TNFSF4: variants seen among roughly 807,000 people sequenced by gnomAD.
TNFSF4 encodes tumor necrosis factor ligand superfamily member 4.
TNFSF4 carries 4 observed loss-of-function variants against 7.3 expected under a neutral mutation model. The ratio of observed to expected loss-of-function variants is 0.55; its 90% CI spans 0.27 to 1.25. The LOEUF is 1.25. TNFSF4 is among the 50% of genes most tolerant of loss of function. The pLI is 0.12. For synonymous variants in TNFSF4, 76 were observed against 83.7 expected (o/e 0.91, Z 0.50); for missense variants, 181 against 208.8 (o/e 0.87, Z 0.82).
chr1:173,284,187 G>A, the TNFSF4 span, among the ~76,000 whole-genome samples: 2 of 152,142 alleles, frequency 1.3e-5, no homozygotes, highest in African/African-American at 2.4e-5. Flanking sequence ...GTCCCAGAAG[G>A]TAAGTTACTC....
At chr1:173,209,447 AT>A (rs1344326573), upstream of TNFSF4, among the ~76,000 whole-genome samples, 1 of 152,186 alleles carries the variant, frequency 6.6e-6, no homozygotes, top group East Asian at 1.9e-4. Flanking sequence ...ATAAAGCTTA[AT>A]TGTTTTTAAA....
In TNFSF4 at chr1:173,193,768, C is replaced by CAA. The variant is rs34461114; in HGVS notation, c.154-5201_154-5200dup. Reference sequence around the variant, plus strand: ...GGTTTCAGGGCTCCCATAAGTGAAGCAAAAAAAAAAAAAAAAAGGAACAAT... The same window carrying CAA: ...GGTTTCAGGGCTCCCATAAGTGAAGCAAAAAAAAAAAAAAAAAAAGGAACAAT... On this transcript the variant is annotated intron_variant, in intron 1 of 2. Coordinates refer to ENST00000281834, the MANE Select transcript of TNFSF4 (RefSeq NM_003326.5). Among the ~76,000 whole-genome samples, 499 of 101,832 alleles carry CAA rather than the reference C, an allele frequency of 4.9e-3. 5 individuals are homozygous for CAA. Among genetic ancestry groups the CAA allele is most frequent in the African/African-American group, 0.012 (385 of 31,444 alleles). The allele number at this position is 101,832 out of a possible 152,430, so 66.8% of individuals were successfully genotyped here. A position where few individuals can be genotyped will look rare whatever the true frequency, so the allele number is the denominator to read the frequency against.
chr1:173,191,586 T>A (rs768971100), intron 1 of TNFSF4, among the ~76,000 whole-genome samples: 6 of 152,160 alleles, frequency 3.9e-5, no homozygotes, highest in Non-Finnish European at 8.8e-5. Context: ...GCCACATATA[T>A]CCTTTCTGTG....
the TNFSF4 span, among the ~76,000 whole-genome samples, chr1:173,272,717 C>T: frequency 3.5e-4 from 53 of 152,240 alleles, no homozygotes; most frequent in East Asian, 7.9e-3. Context: ...TGAGTGTTCC[C>T]CAAAAATGTT....
At chr1:173,239,715 G>A in the TNFSF4 span, among the ~76,000 whole-genome samples, 1 of 152,138 alleles carries the variant, frequency 6.6e-6, no homozygotes, top group Non-Finnish European at 1.5e-5. Flanking sequence ...ACTGGGAGGA[G>A]TCCAAAGTGG....
the TNFSF4 span, among the ~76,000 whole-genome samples, chr1:173,249,465 T>C: frequency 2.6e-5 from 4 of 152,206 alleles, no homozygotes; most frequent in African/African-American, 9.6e-5. Context: ...TTAGTGTCTC[T>C]TAGAAAGCTA....
chr1:173,364,125 G>C, the TNFSF4 span, among the ~76,000 whole-genome samples: 1 of 151,444 alleles, frequency 6.6e-6, no homozygotes, highest in Admixed American at 6.6e-5. Flanking sequence ...GTTTAGCATT[G>C]TTTATAATAG....
At chr1:173,347,754 C>T in the TNFSF4 span, among the ~76,000 whole-genome samples, 2 of 152,224 alleles carry the variant, frequency 1.3e-5, no homozygotes, top group Non-Finnish European at 2.9e-5. Flanking sequence ...CAATGTAGGT[C>T]TAGCCCACAA....
chr1:173,320,330 T>C, the TNFSF4 span, among the ~76,000 whole-genome samples: 1 of 152,112 alleles, frequency 6.6e-6, no homozygotes, highest in African/African-American at 2.4e-5. Flanking sequence ...ATGAAACATA[T>C]CTCAAAATAA....
chr1:173,190,754 G>T (rs535610338), intron 1 of TNFSF4, among the ~76,000 whole-genome samples: 34 of 152,224 alleles, frequency 2.2e-4, no homozygotes, highest in Non-Finnish European at 2.4e-4. Flanking sequence ...AGCATGAATT[G>T]CCACGTGCTA....
chr1:173,322,520 G>A, the TNFSF4 span, among the ~76,000 whole-genome samples: 1 of 152,218 alleles, frequency 6.6e-6, no homozygotes, highest in Non-Finnish European at 1.5e-5. Flanking sequence ...ATCTCACTGG[G>A]GAGTGCTTGA....
chr1:173,243,387 A>G, the TNFSF4 span, among the ~76,000 whole-genome samples: 1 of 152,126 alleles, frequency 6.6e-6, no homozygotes, highest in Non-Finnish European at 1.5e-5. Context: ...AGTCCTCTTA[A>G]GAGCTTCAGC....
At chr1:173,279,760 C>T in the TNFSF4 span, among the ~76,000 whole-genome samples, 1 of 152,176 alleles carries the variant, frequency 6.6e-6, no homozygotes, top group East Asian at 1.9e-4. Flanking sequence ...CCCATTCCTT[C>T]TCTCATTTCC....
the TNFSF4 span, chr1:173,362,956 C>T: frequency 2.6e-6 from 1 of 387,516 alleles, no homozygotes; most frequent in Non-Finnish European, 5.1e-6. Flanking sequence ...CTTAGTTTTT[C>T]TTGTGGTTTT....
the TNFSF4 span, among the ~76,000 whole-genome samples, chr1:173,426,383 G>A: frequency 6.6e-6 from 1 of 152,154 alleles, no homozygotes; most frequent in Non-Finnish European, 1.5e-5. Flanking sequence ...TTCCATGGCT[G>A]CTTCTTTAGT....
chr1:173,332,583 C>T, the TNFSF4 span, among the ~76,000 whole-genome samples: 45 of 151,920 alleles, frequency 3.0e-4, no homozygotes, highest in East Asian at 2.7e-3. Flanking sequence ...GGGCCAGGTG[C>T]GGTGGCTCAT....
the TNFSF4 span, among the ~76,000 whole-genome samples, chr1:173,230,737 T>C: frequency 6.6e-6 from 1 of 152,002 alleles, no homozygotes; most frequent in Non-Finnish European, 1.5e-5. Flanking sequence ...TAAAAAATGA[T>C]AAAGGGGACA....
the TNFSF4 span, among the ~76,000 whole-genome samples, chr1:173,250,852 T>C: frequency 6.6e-6 from 1 of 152,140 alleles, no homozygotes; most frequent in African/African-American, 2.4e-5. Flanking sequence ...AGATCAAATG[T>C]CTATTGAGAG....
At chr1:173,326,418 T>A in the TNFSF4 span, among the ~76,000 whole-genome samples, 1 of 152,176 alleles carries the variant, frequency 6.6e-6, no homozygotes, top group Admixed American at 6.5e-5. Context: ...TCATACTGAA[T>A]GGACAAAAAC....
Sources: gnomAD v4.1 joint callset for allele counts (sites outside exome capture counted in the v4.1 genomes callset) on GRCh38, gnomAD v4.1.1 for gene constraint, MANE v1.5 for transcripts, NCBI Gene and HGNC (gene_info 2026-07-23, HGNC 2026-07-21) for gene names.